BICD1: variants seen among roughly 807,000 people sequenced by gnomAD.
The protein encoded by BICD1 is protein bicaudal D homolog 1.
In BICD1, 35 loss-of-function variants were observed where a neutral mutation model predicts 92.5. The observed-to-expected ratio is 0.38, with a 90% CI of 0.29 to 0.50. BICD1 has a LOEUF of 0.50. Among genes scored for constraint, BICD1 ranks in the 20% least tolerant of loss-of-function variants. BICD1 has a pLI of 0.93. For missense variants in BICD1, 950 were observed against 1,189.8 expected, an observed-to-expected ratio of 0.80 and a Z score of 2.97; for synonymous variants, 429 against 465.1, an observed-to-expected ratio of 0.92 and a Z score of 1.00.
At chr12:32,166,670 A>G (rs1419818159) in intron 1 of BICD1, among the ~76,000 whole-genome samples, 1 of 152,186 alleles carries the variant, frequency 6.6e-6, no homozygotes, top group Non-Finnish European at 1.5e-5. Context: ...AGCTGTCCAC[A>G]TTTGTAAGCC....
rs545607322 is a variant in BICD1, at chr12:32,179,933, T to C, written c.214-36314T>C. Among the ~76,000 whole-genome samples, 5 of 143,830 alleles carry C rather than the reference T, an allele frequency of 3.5e-5. No individual in the cohort carries two copies. In the South Asian group the frequency reaches 1.1e-3, roughly 31 times the overall value. The allele number at this position is 143,830 out of a possible 152,430, so 94.4% of individuals were successfully genotyped here. On this transcript the variant is annotated intron_variant, in intron 1 of 9. Coordinates refer to ENST00000652176, the MANE Select transcript of BICD1 (RefSeq NM_001714.4). ...TGAACCCAGGAGGCAAAGATTGCAG[T>C]GAGCCGACATTGCGCTACTGCACTC...
intron 1 of BICD1, among the ~76,000 whole-genome samples, chr12:32,172,070 C>T (rs1375260233): frequency 6.6e-6 from 1 of 152,096 alleles, no homozygotes; most frequent in East Asian, 1.9e-4. Context: ...CTCTGCCTCT[C>T]CCTCCGTTCC....
intron 2 of BICD1, among the ~76,000 whole-genome samples, chr12:32,232,765 A>T: frequency 6.6e-6 from 1 of 152,100 alleles, no homozygotes; most frequent in Non-Finnish European, 1.5e-5. Flanking sequence ...TGATTTTTGT[A>T]TAAGGTGTAA....
chr12:32,137,473 A>G (rs925763277), intron 1 of BICD1, among the ~76,000 whole-genome samples: 2 of 152,182 alleles, frequency 1.3e-5, no homozygotes, highest in African/African-American at 2.4e-5. Context: ...GCAATTTATT[A>G]CTCAGATATA....
intron 2 of BICD1, among the ~76,000 whole-genome samples, chr12:32,267,935 G>C (rs1947042174): frequency 6.6e-6 from 1 of 152,128 alleles, no homozygotes; most frequent in Non-Finnish European, 1.5e-5. Flanking sequence ...GAGTCACTGG[G>C]ACTACAGGCA....
At chr12:32,270,513 C>A (rs1947110734) in intron 2 of BICD1, among the ~76,000 whole-genome samples, 1 of 152,176 alleles carries the variant, frequency 6.6e-6, no homozygotes, top group South Asian at 2.1e-4. Flanking sequence ...ATATCTCACA[C>A]ATACTTTGAT....
In BICD1 at chr12:32,329,000, T is replaced by C. The variant is rs1385688337; in HGVS notation, c.2100+445T>C. On this transcript the variant is annotated intron_variant, in intron 5 of 9. Transcript: ENST00000652176. This position sits in a 1 kb window ranked among gnomAD's most constrained non-coding sequence, Gnocchi z 4.4. ...AAACAGAGGGAAATCTGGGTACATATGGTGAAGAAGGTCTGATGGCCAATA... is the reference window on the plus strand; with the variant it reads ...AAACAGAGGGAAATCTGGGTACATACGGTGAAGAAGGTCTGATGGCCAATA... Among the ~76,000 whole-genome samples, 1 of 152,154 alleles carries C rather than the reference T, an allele frequency of 6.6e-6. No individual in the cohort carries two copies. Among genetic ancestry groups the C allele is most frequent in the Non-Finnish European group, 1.5e-5 (1 of 68,032 alleles).
At chr12:32,216,139 G>C in intron 1 of BICD1, 108 bp from the exon 2 acceptor site, 1 of 1,083,982 alleles carries the variant, frequency 9.2e-7, no homozygotes, top group Non-Finnish European at 1.3e-6. Flanking sequence ...GGTCTTGCAG[G>C]GTAGCTTTTC....
intron 8 of BICD1, among the ~76,000 whole-genome samples, chr12:32,341,407 C>T (rs1029049916): frequency 2.7e-5 from 4 of 148,458 alleles, no homozygotes; most frequent in Non-Finnish European, 1.5e-5. Context: ...GAAGTTTCAG[C>T]GAACCGAGAT....
intron 1 of BICD1, among the ~76,000 whole-genome samples, chr12:32,122,909 G>A (rs1942205069): frequency 6.6e-6 from 1 of 152,188 alleles, no homozygotes; most frequent in Non-Finnish European, 1.5e-5. Context: ...GAGCAGATAG[G>A]TCATTGTATA....
At chr12:32,109,007 A>G (rs1941594104) in intron 1 of BICD1, 2 of 208,490 alleles carry the variant, frequency 9.6e-6, no homozygotes. Flanking sequence ...TATTGTCTAT[A>G]CCTATCAACA....
intron 2 of BICD1, among the ~76,000 whole-genome samples, chr12:32,217,112 G>T (rs545098493): frequency 6.6e-6 from 1 of 152,288 alleles, no homozygotes; most frequent in South Asian, 2.1e-4. Flanking sequence ...TAGTGGAGGG[G>T]TGATGTTGGA....
chr12:32,147,247 G>A (rs1421615896), intron 1 of BICD1, among the ~76,000 whole-genome samples: 1 of 152,080 alleles, frequency 6.6e-6, no homozygotes, highest in African/African-American at 2.4e-5. Context: ...AAGCTTTCAA[G>A]AACAAGAGAG....
intron 8 of BICD1, 155 bp from the exon 9 acceptor site, chr12:32,367,515 T>A: frequency 1.7e-6 from 1 of 579,510 alleles, no homozygotes; most frequent in Non-Finnish European, 2.9e-6. Flanking sequence ...TCTATTGGCA[T>A]CATTCAAGAA....
intron 5 of BICD1, among the ~76,000 whole-genome samples, chr12:32,330,338 A>G (rs11051941): frequency 0.22 from 33,322 of 150,120 alleles, 4,167 homozygotes; most frequent in East Asian, 0.6. Flanking sequence ...AAAACCGAAC[A>G]CCACAAGTTC....
intron 9 of BICD1, among the ~76,000 whole-genome samples, chr12:32,368,647 C>A (rs1396718282): frequency 6.6e-6 from 1 of 151,930 alleles, no homozygotes; most frequent in Non-Finnish European, 1.5e-5. Context: ...GTGAGCTGAG[C>A]TGGTGCCACT....
At chr12:32,342,997 G>A (rs989871397) in intron 8 of BICD1, among the ~76,000 whole-genome samples, 2 of 152,202 alleles carry the variant, frequency 1.3e-5, no homozygotes, top group African/African-American at 4.8e-5. Context: ...GGCTGGCTCA[G>A]CTTCTGCAAC....
intron 1 of BICD1, among the ~76,000 whole-genome samples, chr12:32,167,450 A>G (rs991587683): frequency 1.3e-5 from 2 of 151,964 alleles, no homozygotes; most frequent in African/African-American, 4.8e-5. Context: ...GTGGCTGAGA[A>G]TCATTCTTTT....
intron 8 of BICD1, among the ~76,000 whole-genome samples, chr12:32,357,283 G>A (rs1369149844): frequency 3.9e-5 from 6 of 152,076 alleles, no homozygotes; most frequent in African/African-American, 9.7e-5. Context: ...AAAGTGCTGG[G>A]ATTACAGGCA....
Sources: allele counts gnomAD v4.1 joint callset (sites outside exome capture counted in the v4.1 genomes callset), GRCh38; gene constraint gnomAD v4.1.1; non-coding constraint Gnocchi (gnomAD v3.1); transcripts MANE v1.5; gene names NCBI Gene and HGNC (gene_info 2026-07-23, HGNC 2026-07-21).